Variants in MOB3B observed in about 807,000 individuals in gnomAD.
MOB3B encodes MOB kinase activator 3B.
Under a neutral mutation model 18.7 loss-of-function variants are expected in MOB3B, and 7 were observed. That is an observed-to-expected ratio of 0.37 (90% confidence interval 0.21 to 0.70). The LOEUF (loss-of-function observed/expected upper bound fraction) is 0.70, where lower values mean the gene tolerates loss of function less well. MOB3B is among the 30% of genes least tolerant of loss of function. The probability of loss-of-function intolerance (pLI) is 0.52; values close to 1 mark genes in which losing one functional copy is unlikely to be tolerated. For missense variants in MOB3B, 253 were observed against 281.3 expected (o/e 0.90, Z 0.72); for synonymous variants, 111 against 99.9 (o/e 1.11, Z -0.66).
intron 1 of MOB3B, among the ~76,000 whole-genome samples, chr9:27,514,202 C>T (rs1172991438): frequency 1.3e-5 from 2 of 151,984 alleles, no homozygotes; most frequent in African/African-American, 4.8e-5. Context: ...TTGATAATTC[C>T]AAGAGGATAG....
Position 27,455,624 on chromosome 9 carries a change from C to T in MOB3B, c.-74G>A, listed in dbSNP as rs1040465797. 6 of 1,598,244 alleles carry T rather than the reference C, an allele frequency of 3.8e-6. No homozygotes were observed. The highest frequency in any genetic ancestry group is 3.4e-5 in the Admixed American group (2 of 58,712). On this transcript the variant is annotated 5_prime_UTR_variant, in exon 2 of 4. Transcript: ENST00000262244. ...GGAACTTTTCAGGGAGAGATCACAGCCCAACAGTGTTTTCCACTGCCAGCA... is the reference window on the plus strand; with the variant it reads ...GGAACTTTTCAGGGAGAGATCACAGTCCAACAGTGTTTTCCACTGCCAGCA...
At chr9:27,462,862 C>T (rs1819315331) in intron 1 of MOB3B, among the ~76,000 whole-genome samples, 1 of 152,128 alleles carries the variant, frequency 6.6e-6, no homozygotes, top group South Asian at 2.1e-4. Context: ...GTGGAGAACA[C>T]AAAATGGGCA....
Position 27,328,284 on chromosome 9 carries a change from A to G in MOB3B, c.*2303T>C, listed in dbSNP as rs1032535971. ...AGAGGGCTGAAGCTCCATTTATAAC[A>G]GAGATGAACAGTTAGATGCAGTCAA... On this transcript the variant is annotated 3_prime_UTR_variant, in exon 4 of 4. Coordinates refer to ENST00000262244, the MANE Select transcript of MOB3B (RefSeq NM_024761.5). 10 of 152,148 alleles carry G rather than the reference A, an allele frequency of 6.6e-5. No homozygotes were observed. Among genetic ancestry groups the G allele is most frequent in the African/African-American group, 2.4e-4 (10 of 41,444 alleles). The allele number at this position is 152,148 out of a possible 1,614,324, so 9.4% of individuals were successfully genotyped here.
Position 27,483,125 on chromosome 9 carries a change from CTTTTTTTTTT to C in MOB3B, c.-198-27387_-198-27378del, listed in dbSNP as rs71492747. Among the ~76,000 whole-genome samples the C allele has an allele frequency of 2.9e-4, 20 of 68,598 alleles. 1 individual carries two copies. The highest frequency in any genetic ancestry group is 1.2e-3 in the African/African-American group (19 of 16,400). The allele number at this position is 68,598 out of a possible 152,430, so 45.0% of individuals were successfully genotyped here. ...AGTAAATGTCTACAAATATACGGTACTTTTTTTTTTTTTTTTTTTTTTTTTGAGACGGAGT... is the reference window on the plus strand; with the variant it reads ...AGTAAATGTCTACAAATATACGGTACTTTTTTTTTTTTTTTGAGACGGAGT... On this transcript the variant is annotated intron_variant, in intron 1 of 3. Coordinates refer to ENST00000262244, the MANE Select transcript of MOB3B (RefSeq NM_024761.5).
At chr9:27,518,277 T>C (rs1236859172) in intron 1 of MOB3B, among the ~76,000 whole-genome samples, 1 of 152,204 alleles carries the variant, frequency 6.6e-6, no homozygotes, top group Non-Finnish European at 1.5e-5. Context: ...TGCACGCTCA[T>C]CATTTCTTCC....
chr9:27,398,644 T>C (rs1004408829), intron 2 of MOB3B, among the ~76,000 whole-genome samples: 4 of 152,296 alleles, frequency 2.6e-5, no homozygotes, highest in Non-Finnish European at 5.9e-5. Flanking sequence ...AAGCAGTGCA[T>C]GTACCACCTA....
At chr9:27,502,566 T>C (rs2492822) in intron 1 of MOB3B, among the ~76,000 whole-genome samples, 141,727 of 152,288 alleles carry the variant, frequency 0.93, 66,561 homozygotes, top group East Asian at 1. Context: ...ACTAATGTCC[T>C]GAGATGGCCA....
intron 2 of MOB3B, among the ~76,000 whole-genome samples, chr9:27,435,785 G>C (rs1195570940): frequency 6.6e-6 from 1 of 152,002 alleles, no homozygotes; most frequent in Non-Finnish European, 1.5e-5. Context: ...TTTTTTAGTA[G>C]AGACAGGGTT....
Position 27,468,355 on chromosome 9 carries a change from T to A in MOB3B, c.-198-12607A>T, listed in dbSNP as rs1376709053. ...ATGTGGCTACTGTCTGGGAACATGA[T>A]TATCAGAAGCTTTCTCCAGGGAACT... On this transcript the variant is annotated intron_variant, in intron 1 of 3. Coordinates refer to ENST00000262244, the MANE Select transcript of MOB3B (RefSeq NM_024761.5). Among the ~76,000 whole-genome samples the A allele has an allele frequency of 2.0e-5, 3 of 152,168 alleles. No homozygotes were observed. The East Asian group carries it at 5.8e-4, about 29-fold the overall frequency.
intron 2 of MOB3B, among the ~76,000 whole-genome samples, chr9:27,388,311 A>G (rs1224799797): frequency 6.6e-6 from 1 of 152,124 alleles, no homozygotes; most frequent in East Asian, 1.9e-4. Flanking sequence ...ATTACTAAGC[A>G]CTCTCAGCTC....
At chr9:27,387,948 C>A (rs920872922) in intron 2 of MOB3B, among the ~76,000 whole-genome samples, 2 of 152,070 alleles carry the variant, frequency 1.3e-5, no homozygotes, top group East Asian at 1.9e-4. Flanking sequence ...TTTTGCCCCC[C>A]ACAGGCAACA....
chr9:27,359,048 C>T lies in MOB3B; in HGVS notation c.607G>A (p.Glu203Lys). The T allele has an allele frequency of 6.2e-7, 1 of 1,614,140 alleles. No individual in the cohort carries two copies. The highest frequency in any genetic ancestry group is 1.1e-5 in the South Asian group (1 of 91,076). The change falls in exon 3 of 4, where the codon GAG becomes AAG. Residue 203 changes from glutamate (E) to lysine (K), a missense_variant. Physicochemically the swap from Glu to Lys is moderately conservative, Grantham distance 56. Transcript: ENST00000262244. ...VTEMNLIDRK[E>K]LEPLKEMTSR... ...GTGTCACTTACCAAAGGCTCTAGCTCCTTGCGGTCTATGAGGTTCATCTCT... is the reference window on the plus strand; with the variant it reads ...GTGTCACTTACCAAAGGCTCTAGCTTCTTGCGGTCTATGAGGTTCATCTCT...
At position 27,379,659 on chromosome 9, in the gene MOB3B, C is replaced by A. The variant is rs969540945; in HGVS notation, c.419-20423G>T. The stretch of plus-strand genomic sequence containing the variant: ...GAGACCTGGTCCAAAGCCATTCAGT[C>A]CAAGGCAGGTTCTGAACAAAAGCCC... On this transcript the variant is annotated intron_variant, in intron 2 of 3. Transcript: ENST00000262244. Among the ~76,000 whole-genome samples the A allele has an allele frequency of 2.6e-5, 4 of 152,210 alleles. No individual in the cohort carries two copies. The South Asian group carries it at 6.2e-4, about 24-fold the overall frequency.
rs146723468 is a variant in MOB3B at position 27,442,227 on chromosome 9, G to T, written c.418+12906C>A. Among the ~76,000 whole-genome samples the T allele has an allele frequency of 3.5e-3, 539 of 152,212 alleles. 1 individual carries two copies. Among genetic ancestry groups the T allele is most frequent in the Non-Finnish European group, 5.5e-3 (371 of 67,992 alleles). On this transcript the variant is annotated intron_variant, in intron 2 of 3. Transcript: ENST00000262244. ...ATGACCCACATACACAAAAGATCAGGATTTTCAGTAATTTTTAAGAATATG... is the reference window on the plus strand; with the variant it reads ...ATGACCCACATACACAAAAGATCAGTATTTTCAGTAATTTTTAAGAATATG...
intron 2 of MOB3B, among the ~76,000 whole-genome samples, chr9:27,448,960 A>C (rs539482138): frequency 2.4e-4 from 36 of 152,316 alleles, no homozygotes; most frequent in African/African-American, 8.4e-4. Flanking sequence ...AGATGTGACT[A>C]ATAGGCTATC....
intron 2 of MOB3B, among the ~76,000 whole-genome samples, chr9:27,404,151 T>G: frequency 6.6e-6 from 1 of 152,000 alleles, no homozygotes; most frequent in East Asian, 1.9e-4. Context: ...CTACCCTTTT[T>G]TTTTCTTTTT....
chr9:27,330,423 C>A lies in MOB3B; in HGVS notation c.*164G>T. The stretch of plus-strand genomic sequence containing the variant: ...CTAGCAGCACTCAGAAGGTTAAGAG[C>A]ACACAAAGTGAGTGGGGAATGTCTC... On this transcript the variant is annotated 3_prime_UTR_variant, in exon 4 of 4. Coordinates refer to ENST00000262244, the MANE Select transcript of MOB3B (RefSeq NM_024761.5). The A allele has an allele frequency of 2.4e-6, 2 of 843,538 alleles. No individual in the cohort carries two copies. Among genetic ancestry groups the A allele is most frequent in the Non-Finnish European group, 1.8e-6 (1 of 547,094 alleles). The allele number at this position is 843,538 out of a possible 1,614,324, so 52.3% of individuals were successfully genotyped here.
chr9:27,396,449 C>G (rs56209589), intron 2 of MOB3B, among the ~76,000 whole-genome samples: 18,702 of 152,144 alleles, frequency 0.12, 1,576 homozygotes, highest in Middle Eastern at 0.19. Context: ...TCTGAGGTCA[C>G]CTTCTTTCTA....
intron 2 of MOB3B, among the ~76,000 whole-genome samples, chr9:27,402,520 A>G (rs1821900466): frequency 6.6e-6 from 1 of 152,218 alleles, no homozygotes; most frequent in African/African-American, 2.4e-5. Flanking sequence ...CCTGGTGTAC[A>G]ATAGGAACAC....
Sources: allele counts gnomAD v4.1 joint callset (sites outside exome capture counted in the v4.1 genomes callset), GRCh38; gene constraint gnomAD v4.1.1; transcripts MANE v1.5; gene names NCBI Gene and HGNC (gene_info 2026-07-23, HGNC 2026-07-21).